Variants in NEDD9 observed in about 807,000 individuals in gnomAD.
NEDD9 encodes the protein neural precursor cell expressed, developmentally down-regulated 9, also known as enhancer of filamentation 1.
In NEDD9, 26 loss-of-function variants were observed where a neutral mutation model predicts 76.6. The ratio of observed to expected loss-of-function variants is 0.34; its 90% confidence interval spans 0.25 to 0.47. The LOEUF (loss-of-function observed/expected upper bound fraction) is 0.47. Ranked by LOEUF, NEDD9 falls within the 20% of genes least tolerant of loss-of-function variation. The probability of loss-of-function intolerance (pLI) is 1.00; values close to 1 mark genes in which losing one functional copy is unlikely to be tolerated. For synonymous variants in NEDD9, 392 were observed against 414.2 expected, an observed-to-expected ratio of 0.95 and a Z score of 0.65; for missense variants, 937 against 1,058.5, an observed-to-expected ratio of 0.89 and a Z score of 1.59.
intron 1 of NEDD9, among the ~76,000 whole-genome samples, chr6:11,380,217 C>A (rs1397597029): frequency 1.3e-5 from 2 of 152,216 alleles, no homozygotes; most frequent in Admixed American, 6.5e-5. Context: ...CTTTAAGTAC[C>A]TACAGTAGTA....
intron 3 of NEDD9, among the ~76,000 whole-genome samples, chr6:11,280,682 T>G (rs1760518621): frequency 1.3e-5 from 2 of 152,258 alleles, no homozygotes; most frequent in African/African-American, 2.4e-5. Flanking sequence ...CCACTGTGGC[T>G]TGGCTATGTC....
intron 1 of NEDD9, among the ~76,000 whole-genome samples, chr6:11,214,765 G>A (rs564780764): frequency 1.3e-5 from 2 of 152,298 alleles, no homozygotes; most frequent in Admixed American, 6.5e-5. Flanking sequence ...AGTCGGGGAC[G>A]TTGTTGATTC....
intron 3 of NEDD9, among the ~76,000 whole-genome samples, chr6:11,272,673 C>T (rs910771328): frequency 3.3e-5 from 5 of 152,172 alleles, no homozygotes; most frequent in Non-Finnish European, 5.9e-5. Flanking sequence ...CCTCCCCTTC[C>T]ACCTGCCTTG....
intron 1 of NEDD9, among the ~76,000 whole-genome samples, chr6:11,335,618 A>G (rs935098425): frequency 6.6e-6 from 1 of 152,236 alleles, no homozygotes; most frequent in Non-Finnish European, 1.5e-5. Flanking sequence ...AAGCATCTCA[A>G]CAACTTTTTG....
At chr6:11,296,339 A>G (rs1220519651) in intron 3 of NEDD9, among the ~76,000 whole-genome samples, 1 of 152,234 alleles carries the variant, frequency 6.6e-6, no homozygotes, top group Non-Finnish European at 1.5e-5. Flanking sequence ...CTTAAGGAAC[A>G]ACTCAGAAAT....
chr6:11,314,368 T>C (rs1761476653), intron 2 of NEDD9, among the ~76,000 whole-genome samples: 2 of 152,096 alleles, frequency 1.3e-5, no homozygotes, highest in Non-Finnish European at 2.9e-5. Flanking sequence ...TTTTCAGTGA[T>C]AGGAAAGGAA....
At chr6:11,306,514 T>C (rs59205227) in intron 2 of NEDD9, among the ~76,000 whole-genome samples, 5,338 of 152,198 alleles carry the variant, frequency 0.035, 187 homozygotes, top group African/African-American at 0.087. Context: ...GAGAGATGGG[T>C]AGACGTTTGC....
chr6:11,240,855 C>A (rs544602928), intron 3 of NEDD9, among the ~76,000 whole-genome samples: 7 of 152,256 alleles, frequency 4.6e-5, no homozygotes, highest in African/African-American at 1.7e-4. Context: ...CATAATTGTG[C>A]AAGGTTCACA....
At chr6:11,307,438 C>T (rs1761220698) in intron 2 of NEDD9, among the ~76,000 whole-genome samples, 1 of 152,128 alleles carries the variant, frequency 6.6e-6, no homozygotes, top group African/African-American at 2.4e-5. Context: ...GTGTGGTTAC[C>T]CCAGTGTCTT....
chr6:11,209,911 G>A (rs1420350955), intron 2 of NEDD9, among the ~76,000 whole-genome samples: 5 of 149,520 alleles, frequency 3.3e-5, no homozygotes, highest in Admixed American at 2.0e-4. Context: ...AAGAGGGTGG[G>A]TAGAGGTTGG....
intron 2 of NEDD9, among the ~76,000 whole-genome samples, chr6:11,321,139 G>GGGAGGGACAGAAGGAAGGAA (rs1422241276): frequency 1.1e-4 from 15 of 141,178 alleles, no homozygotes; most frequent in South Asian, 2.2e-4. Flanking sequence ...GAAGGAAGAA[G>GGGAGGGACAGAAGGAAGGAA]GGAGGGACAG....
At chr6:11,225,564 C>G (rs1759285610) in intron 1 of NEDD9, among the ~76,000 whole-genome samples, 1 of 152,162 alleles carries the variant, frequency 6.6e-6, no homozygotes, top group Admixed American at 6.5e-5. Context: ...TGCAGTGGTG[C>G]AATCTCGGCT....
chr6:11,335,776 A>G (rs1431444954), intron 1 of NEDD9, among the ~76,000 whole-genome samples: 1 of 152,242 alleles, frequency 6.6e-6, no homozygotes, highest in Admixed American at 6.5e-5. Context: ...ATTAATAAAG[A>G]TGTGTTTGAG....
chr6:11,333,842 C>A (rs903834867), intron 2 of NEDD9, among the ~76,000 whole-genome samples: 1 of 152,238 alleles, frequency 6.6e-6, no homozygotes, highest in Non-Finnish European at 1.5e-5. Flanking sequence ...CTGAACAGTG[C>A]TTATGTTCAC....
chr6:11,262,943 A>T (rs530989009), intron 3 of NEDD9, among the ~76,000 whole-genome samples: 1 of 152,356 alleles, frequency 6.6e-6, no homozygotes, highest in East Asian at 1.9e-4. Flanking sequence ...TCTTATAGAA[A>T]ATGAGTTATT....
chr6:11,363,559 A>G (rs1235031854), intron 1 of NEDD9, among the ~76,000 whole-genome samples: 1 of 152,176 alleles, frequency 6.6e-6, no homozygotes, highest in Admixed American at 6.5e-5. Context: ...CCTGAGAAAG[A>G]AGCAACCTAA....
intron 3 of NEDD9, chr6:11,258,528 T>C (rs1760048874): frequency 6.6e-6 from 1 of 152,190 alleles, no homozygotes; most frequent in African/African-American, 2.4e-5. Context: ...TTTTTTTTTC[T>C]ATTTGGCCTT....
chr6:11,242,225 C>T (rs1382971106), intron 3 of NEDD9, among the ~76,000 whole-genome samples: 1 of 152,142 alleles, frequency 6.6e-6, no homozygotes, highest in African/African-American at 2.4e-5. Flanking sequence ...GGGGGTCTGG[C>T]AATGAGCATG....
At chr6:11,320,108 C>T (rs1761754785) in intron 2 of NEDD9, among the ~76,000 whole-genome samples, 3 of 152,212 alleles carry the variant, frequency 2.0e-5, no homozygotes, top group Admixed American at 1.3e-4. Context: ...CCTACTGTAC[C>T]ATGAGATGTG....
Sources: allele counts gnomAD v4.1 joint callset (sites outside exome capture counted in the v4.1 genomes callset), GRCh38; gene constraint gnomAD v4.1.1; transcripts MANE v1.5; gene names NCBI Gene and HGNC (gene_info 2026-07-23, HGNC 2026-07-21).